LRRC4C: variants seen among roughly 807,000 people sequenced by gnomAD.
LRRC4C encodes the protein leucine-rich repeat-containing protein 4C.
In LRRC4C, 5 loss-of-function variants were observed where a neutral mutation model predicts 33.6. The ratio of observed to expected loss-of-function variants is 0.15; its 90% CI spans 0.08 to 0.31. The LOEUF (loss-of-function observed/expected upper bound fraction) is 0.31. Ranked by LOEUF, LRRC4C falls within the 10% of genes least tolerant of loss-of-function variation. The pLI is 1.00. For synonymous variants in LRRC4C, 329 were observed against 302.0 expected (o/e 1.09, Z -0.93); for missense variants, 560 against 796.7 (o/e 0.70, Z 3.58).
At chr11:40,916,515 G>A (rs1287643304) in intron 2 of LRRC4C, among the ~76,000 whole-genome samples, 1 of 152,092 alleles carries the variant, frequency 6.6e-6, no homozygotes, top group East Asian at 1.9e-4. Context: ...CATGGACACA[G>A]GAAGGGGAAC....
At chr11:40,634,675 G>GC (rs1293321468) in intron 3 of LRRC4C, among the ~76,000 whole-genome samples, 14 of 151,810 alleles carry the variant, frequency 9.2e-5, no homozygotes, top group African/African-American at 3.4e-4. Context: ...TTAGAGATCA[G>GC]CTTGGGAAAT....
chr11:41,204,435 C>T (rs1946517759), intron 1 of LRRC4C, among the ~76,000 whole-genome samples: 1 of 152,168 alleles, frequency 6.6e-6, no homozygotes, highest in Non-Finnish European at 1.5e-5. Flanking sequence ...TGAACAGTCA[C>T]CAGCCAGCCC....
intron 1 of LRRC4C, among the ~76,000 whole-genome samples, chr11:41,367,581 T>A (rs1407250420): frequency 1.3e-5 from 2 of 152,170 alleles, no homozygotes; most frequent in Non-Finnish European, 2.9e-5. Flanking sequence ...TTTTCACACG[T>A]AAAATTGGAG....
intron 2 of LRRC4C, among the ~76,000 whole-genome samples, chr11:40,709,757 C>G (rs1000509149): frequency 6.6e-6 from 1 of 152,120 alleles, no homozygotes; most frequent in Non-Finnish European, 1.5e-5. Flanking sequence ...TGGGGAAGTT[C>G]TCCTGGATAA....
intron 2 of LRRC4C, among the ~76,000 whole-genome samples, chr11:40,705,837 T>C (rs564890380): frequency 6.6e-6 from 1 of 152,216 alleles, no homozygotes; most frequent in African/African-American, 2.4e-5. Flanking sequence ...GTAAAAGTGT[T>C]CCTATTTCTC....
chr11:40,739,013 G>A (rs1948026370), intron 2 of LRRC4C, among the ~76,000 whole-genome samples: 36 of 116,962 alleles, frequency 3.1e-4, no homozygotes, highest in Non-Finnish European at 3.2e-4. Context: ...GCTATTGTGT[G>A]TGTGTGTGTG....
intron 1 of LRRC4C, among the ~76,000 whole-genome samples, chr11:41,234,435 T>A (rs1457374651): frequency 6.6e-6 from 1 of 152,050 alleles, no homozygotes; most frequent in Non-Finnish European, 1.5e-5. Flanking sequence ...TATTATTAAC[T>A]ATAATCATTA....
intron 5 of LRRC4C, among the ~76,000 whole-genome samples, chr11:40,220,883 T>C (rs1185444837): frequency 6.6e-6 from 1 of 151,490 alleles, no homozygotes; most frequent in Admixed American, 6.6e-5. Context: ...TTTGGTTTTT[T>C]TTTTTTTCTT....
At chr11:40,618,512 A>G (rs1411321319) in intron 3 of LRRC4C, among the ~76,000 whole-genome samples, 1 of 151,700 alleles carries the variant, frequency 6.6e-6, no homozygotes, top group Non-Finnish European at 1.5e-5. Flanking sequence ...TTTTTACGGT[A>G]CCCCAAAAAA....
At chr11:41,327,181 T>C (rs1951148978) in intron 1 of LRRC4C, among the ~76,000 whole-genome samples, 1 of 152,164 alleles carries the variant, frequency 6.6e-6, no homozygotes. Flanking sequence ...ACCTTTTTCA[T>C]GGTCTTGGTA....
At chr11:40,440,866 A>ATT (rs58954858) in intron 3 of LRRC4C, among the ~76,000 whole-genome samples, 7,312 of 148,884 alleles carry the variant, frequency 0.049, 546 homozygotes, top group African/African-American at 0.16. Flanking sequence ...CCAGTAGGGA[A>ATT]TTTTTTTTTT....
chr11:41,100,416 A>C (rs1232274318), intron 1 of LRRC4C, among the ~76,000 whole-genome samples: 1 of 151,910 alleles, frequency 6.6e-6, no homozygotes, highest in African/African-American at 2.4e-5. Context: ...AAATACAAAA[A>C]AGTAGCTGGG....
At chr11:40,787,872 T>G (rs1279191253) in intron 2 of LRRC4C, among the ~76,000 whole-genome samples, 1 of 152,186 alleles carries the variant, frequency 6.6e-6, no homozygotes, top group East Asian at 1.9e-4. Context: ...ATGAGTGAAA[T>G]GAAAACAGGG....
chr11:40,587,362 A>C (rs1480995256), intron 3 of LRRC4C, among the ~76,000 whole-genome samples: 3 of 145,000 alleles, frequency 2.1e-5, no homozygotes, highest in African/African-American at 5.2e-5. Context: ...TTATCAGCTT[A>C]AGGAGATTTT....
At chr11:41,415,448 AT>A (rs1954641616) in intron 1 of LRRC4C, among the ~76,000 whole-genome samples, 1 of 152,168 alleles carries the variant, frequency 6.6e-6, no homozygotes, top group Non-Finnish European at 1.5e-5. Flanking sequence ...AGGAGTAAAA[AT>A]TTAAGTCCTT....
intron 1 of LRRC4C, among the ~76,000 whole-genome samples, chr11:41,278,258 C>G (rs1039863311): frequency 2.4e-4 from 36 of 151,930 alleles, no homozygotes; most frequent in African/African-American, 8.0e-4. Flanking sequence ...AACCATTCCA[C>G]AACATGTATA....
chr11:40,227,808 T>C (rs1385866844), intron 5 of LRRC4C, among the ~76,000 whole-genome samples: 1 of 152,208 alleles, frequency 6.6e-6, no homozygotes, highest in African/African-American at 2.4e-5. Flanking sequence ...AACCTGATTT[T>C]CTTATTAACA....
chr11:40,191,349 C>T (rs1224793021), intron 5 of LRRC4C, among the ~76,000 whole-genome samples: 1 of 152,238 alleles, frequency 6.6e-6, no homozygotes, highest in East Asian at 1.9e-4. Flanking sequence ...GTTTCACCTT[C>T]TCCAGTCCAC....
chr11:41,092,281 G>A (rs2135552777), intron 1 of LRRC4C, among the ~76,000 whole-genome samples: 1 of 152,078 alleles, frequency 6.6e-6, no homozygotes, highest in African/African-American at 2.4e-5. Flanking sequence ...AGAAAAATAA[G>A]TCTCGGAGGA....
Sources: allele counts gnomAD v4.1 joint callset (sites outside exome capture counted in the v4.1 genomes callset), GRCh38; gene constraint gnomAD v4.1.1; transcripts MANE v1.5; gene names NCBI Gene and HGNC (gene_info 2026-07-23, HGNC 2026-07-21).